LUZP2: variants seen among roughly 807,000 people sequenced by gnomAD.
The protein encoded by LUZP2 is leucine zipper protein 2.
A neutral mutation model predicts 51.6 loss-of-function variants in LUZP2; 52 were observed. That is an observed-to-expected ratio of 1.01 (90% CI 0.81 to 1.27). LUZP2 has a LOEUF of 1.27. Ranked by LOEUF, LUZP2 falls within the 50% of genes most tolerant of loss-of-function variation. The pLI is 0.00. For missense variants in LUZP2, 436 were observed against 395.4 expected (o/e 1.10, Z -0.87); for synonymous variants, 154 against 137.3 (o/e 1.12, Z -0.85).
At chr11:24,859,311 C>T (rs1423550858) in intron 5 of LUZP2, among the ~76,000 whole-genome samples, 2 of 152,150 alleles carry the variant, frequency 1.3e-5, no homozygotes, top group Middle Eastern at 3.4e-3. Context: ...AGTAGCTCAT[C>T]ATTATTTATG....
intron 4 of LUZP2, among the ~76,000 whole-genome samples, chr11:24,746,001 G>A (rs558273898): frequency 4.6e-5 from 7 of 152,126 alleles, no homozygotes; most frequent in South Asian, 2.1e-4. Flanking sequence ...TCTGCAGTTC[G>A]GTATCTTTTA....
At chr11:24,890,045 A>G (rs1852797034) in intron 5 of LUZP2, among the ~76,000 whole-genome samples, 1 of 152,222 alleles carries the variant, frequency 6.6e-6, no homozygotes, top group Admixed American at 6.5e-5. Context: ...ATAATGAAGA[A>G]ATAGTTGTTC....
intron 1 of LUZP2, among the ~76,000 whole-genome samples, chr11:24,616,347 C>T (rs1047119713): frequency 6.6e-6 from 1 of 151,990 alleles, no homozygotes; most frequent in Non-Finnish European, 1.5e-5. Context: ...TATTGTTTTA[C>T]ATGTTACACT....
At chr11:24,525,894 A>T (rs1219731831) in intron 1 of LUZP2, among the ~76,000 whole-genome samples, 3 of 151,372 alleles carry the variant, frequency 2.0e-5, no homozygotes, top group Non-Finnish European at 4.4e-5. Flanking sequence ...CAAGCATGTA[A>T]GGGAGGTGCT....
chr11:24,878,886 C>T (rs557685607), intron 5 of LUZP2, among the ~76,000 whole-genome samples: 2 of 152,048 alleles, frequency 1.3e-5, no homozygotes, highest in South Asian at 4.2e-4. Context: ...TTTTCTGTTC[C>T]TGTGGTAGTC....
intron 1 of LUZP2, among the ~76,000 whole-genome samples, chr11:24,578,055 A>G (rs964286021): frequency 3.3e-5 from 5 of 152,132 alleles, no homozygotes; most frequent in African/African-American, 1.2e-4. Context: ...AAAATCTTTC[A>G]TACAATGTTT....
chr11:24,971,085 A>G (rs1434206415), intron 7 of LUZP2, among the ~76,000 whole-genome samples: 5 of 152,140 alleles, frequency 3.3e-5, no homozygotes, highest in Non-Finnish European at 7.3e-5. Flanking sequence ...TATAAGTAGG[A>G]GATAAGCATG....
chr11:24,668,275 AG>A (rs1856282919), intron 1 of LUZP2, among the ~76,000 whole-genome samples: 1 of 152,226 alleles, frequency 6.6e-6, no homozygotes, highest in Admixed American at 6.5e-5. Flanking sequence ...TGAAGCATAA[AG>A]GGAATTTACG....
intron 7 of LUZP2, among the ~76,000 whole-genome samples, chr11:24,966,291 G>C (rs983406917): frequency 2.0e-5 from 3 of 151,388 alleles, no homozygotes; most frequent in Non-Finnish European, 3.0e-5. Flanking sequence ...TGAGCTGTAA[G>C]TTTCATTTGT....
chr11:24,593,970 A>T (rs1319232289), intron 1 of LUZP2, among the ~76,000 whole-genome samples: 1 of 152,194 alleles, frequency 6.6e-6, no homozygotes, highest in Non-Finnish European at 1.5e-5. Flanking sequence ...GGCAGGATTT[A>T]AATAGAATTA....
intron 5 of LUZP2, chr11:24,786,506 A>G (rs1228383058): frequency 4.2e-6 from 4 of 951,816 alleles, no homozygotes; most frequent in Non-Finnish European, 5.0e-6. Context: ...TGTGAAGAAT[A>G]AAATATGTGT....
At chr11:24,935,281 G>A (rs1248001629) in intron 7 of LUZP2, among the ~76,000 whole-genome samples, 1 of 152,138 alleles carries the variant, frequency 6.6e-6, no homozygotes, top group Non-Finnish European at 1.5e-5. Flanking sequence ...CTTGCTTAAA[G>A]TAAATATTGA....
chr11:25,014,599 T>G (rs912037472), intron 9 of LUZP2, among the ~76,000 whole-genome samples: 1 of 152,188 alleles, frequency 6.6e-6, no homozygotes, highest in African/African-American at 2.4e-5. Flanking sequence ...ATGGGGTTGT[T>G]TGTCTTTTTC....
chr11:24,925,005 A>G (rs927879252), intron 7 of LUZP2, among the ~76,000 whole-genome samples: 12 of 152,156 alleles, frequency 7.9e-5, no homozygotes, highest in Admixed American at 1.3e-4. Context: ...CTCCTGGCTC[A>G]GAAAAAAAAA....
At chr11:24,719,583 C>T (rs1347502185) in intron 1 of LUZP2, among the ~76,000 whole-genome samples, 5 of 152,204 alleles carry the variant, frequency 3.3e-5, no homozygotes, top group Non-Finnish European at 5.9e-5. Context: ...CAGCATTTGG[C>T]ACTATGTAGT....
chr11:24,786,093 T>C (rs1849237479), intron 5 of LUZP2: 6 of 985,214 alleles, frequency 6.1e-6, no homozygotes, highest in Non-Finnish European at 7.2e-6. Context: ...ACCTGGTATA[T>C]GACTGTATTT....
intron 5 of LUZP2, among the ~76,000 whole-genome samples, chr11:24,771,190 T>G (rs939772468): frequency 6.6e-6 from 1 of 151,728 alleles, no homozygotes; most frequent in East Asian, 2.0e-4. Context: ...TTGCAGAATC[T>G]AGTCCTCATA....
At chr11:24,774,276 T>G (rs996755163) in intron 5 of LUZP2, among the ~76,000 whole-genome samples, 1 of 149,804 alleles carries the variant, frequency 6.7e-6, no homozygotes, top group Non-Finnish European at 1.5e-5. Flanking sequence ...CCTGTGCAGA[T>G]GGCCTATTAT....
intron 5 of LUZP2, among the ~76,000 whole-genome samples, chr11:24,790,753 C>T (rs988783112): frequency 5.9e-5 from 9 of 152,152 alleles, no homozygotes; most frequent in African/African-American, 1.9e-4. Context: ...CCACCTGCCT[C>T]GGCCTTCCAA....
Sources: allele counts gnomAD v4.1 joint callset (sites outside exome capture counted in the v4.1 genomes callset), GRCh38; gene constraint gnomAD v4.1.1; transcripts MANE v1.5; gene names NCBI Gene and HGNC (gene_info 2026-07-23, HGNC 2026-07-21).